VRTN: variants seen among roughly 807,000 people sequenced by gnomAD.
VRTN encodes the protein vertebrae development associated.
A neutral mutation model predicts 18.2 loss-of-function variants in VRTN; 5 were observed. The observed-to-expected ratio is 0.27, with a 90% confidence interval of 0.14 to 0.58. VRTN has a LOEUF of 0.58. Among genes scored for constraint, VRTN ranks in the 20% least tolerant of loss-of-function variants. The pLI, the probability that VRTN is intolerant of heterozygous loss-of-function variation, is 0.91. For synonymous variants in VRTN, 381 were observed against 393.7 expected, an observed-to-expected ratio of 0.97 and a Z score of 0.38; for missense variants, 741 against 939.4, an observed-to-expected ratio of 0.79 and a Z score of 2.76.
chr14:74,336,775 A>G (rs59394521), intron 1 of VRTN, among the ~76,000 whole-genome samples: 27,320 of 151,876 alleles, frequency 0.18, 3,216 homozygotes, highest in East Asian at 0.49. Flanking sequence ...CTCCATCTCA[A>G]AAAAAAAGTT....
At chr14:74,356,655 T>C (rs756163829) in intron 1 of VRTN, 128 bp from the exon 2 acceptor site, 4 of 1,282,196 alleles carry the variant, frequency 3.1e-6, no homozygotes, top group Non-Finnish European at 4.2e-6. Context: ...TCCCGTCTGT[T>C]GTGGGAGGAC....
intron 1 of VRTN, among the ~76,000 whole-genome samples, chr14:74,309,960 G>A (rs943260496): frequency 3.3e-5 from 5 of 151,964 alleles, no homozygotes; most frequent in African/African-American, 1.2e-4. Flanking sequence ...AAGCACAAAG[G>A]ACAAAGGGTC....
At chr14:74,343,533 T>C (rs988492329), upstream of VRTN, among the ~76,000 whole-genome samples, 3 of 152,182 alleles carry the variant, frequency 2.0e-5, no homozygotes, top group African/African-American at 7.2e-5. Context: ...AAATTATGCA[T>C]GTACAGGCTT....
intron 1 of VRTN, among the ~76,000 whole-genome samples, chr14:74,348,860 C>T (rs533998265): frequency 6.7e-6 from 1 of 148,994 alleles, no homozygotes; most frequent in African/African-American, 2.5e-5. Context: ...TCTCCCCACC[C>T]CCACCTCCAC....
rs376656566 is a variant in VRTN, at chr14:74,358,138, C to T, written c.1355C>T (p.Pro452Leu). The T allele has an allele frequency of 1.5e-5, 25 of 1,613,978 alleles. No homozygotes were observed. In the Admixed American group the frequency reaches 2.0e-4, roughly 13 times the overall value. Residue 452 changes from proline (P) to leucine (L), a missense_variant, in exon 2 of 2, where the codon CCG (proline) becomes CTG (leucine). Pro to Leu is a moderately conservative substitution (Grantham distance 98). Around this residue, in one of 3 missense-constraint regions of VRTN, gnomAD observed 494 missense variants for 546.5 expected, o/e 0.90. Coordinates refer to ENST00000256362, the MANE Select transcript of VRTN (RefSeq NM_018228.3). This position sits in a 1 kb window ranked among gnomAD's most constrained non-coding sequence, Gnocchi z 5.4. ...KALRRNPSFK[P>L]APALSAAGTP... ...CTCCGGAGGAACCCCAGCTTCAAGC[C>T]GGCACCAGCCCTCTCTGCTGCTGGG...
At chr14:74,315,446 C>T (rs890944404) in intron 1 of VRTN, among the ~76,000 whole-genome samples, 1 of 152,128 alleles carries the variant, frequency 6.6e-6, no homozygotes, top group African/African-American at 2.4e-5. Context: ...TGCCTATAAT[C>T]CCAGTGCTTT....
At chr14:74,347,719 G>T (rs561096765), upstream of VRTN, among the ~76,000 whole-genome samples, 7 of 152,342 alleles carry the variant, frequency 4.6e-5, no homozygotes, top group African/African-American at 1.7e-4. Flanking sequence ...ATTATTTGAG[G>T]CCCCTGGGCC....
chr14:74,358,484 A>C lies in VRTN; in HGVS notation c.1701A>C (p.Lys567Asn). ...KLQVPVPTLG[K>N]GGQEAEEKQE... Reference sequence around the variant, plus strand: ...AGGTGCCGGTCCCCACCTTGGGCAAAGGGGGGCAGGAGGCTGAGGAGAAGC... The same window carrying C: ...AGGTGCCGGTCCCCACCTTGGGCAACGGGGGGCAGGAGGCTGAGGAGAAGC... The change falls in exon 2 of 2, where the codon AAA becomes AAC. Residue 567 changes from lysine to asparagine, a missense_variant. By Grantham distance (94) the Lys-to-Asn change is moderately conservative. Transcript: ENST00000256362. This position sits in a 1 kb window ranked among gnomAD's most constrained non-coding sequence, Gnocchi z 5.4. 6.2e-7 allele frequency: 1 copy of C among 1,614,056 alleles called. No individual in the cohort carries two copies. The highest frequency in any genetic ancestry group is 8.5e-7 in the Non-Finnish European group (1 of 1,179,988).
upstream of VRTN, among the ~76,000 whole-genome samples, chr14:74,344,379 C>T (rs1422482674): frequency 3.6e-5 from 5 of 137,226 alleles, no homozygotes; most frequent in East Asian, 6.3e-4. Flanking sequence ...CAGTGTACTC[C>T]AGCCTGGGTG....
chr14:74,343,986 G>A (rs188859650), upstream of VRTN, among the ~76,000 whole-genome samples: 2 of 150,516 alleles, frequency 1.3e-5, no homozygotes, highest in African/African-American at 4.9e-5. Flanking sequence ...TTGTAGATGC[G>A]GGGGTTTCAC....
intron 1 of VRTN, among the ~76,000 whole-genome samples, chr14:74,334,773 G>A (rs561226307): frequency 2.0e-5 from 3 of 152,242 alleles, no homozygotes; most frequent in South Asian, 2.1e-4. Flanking sequence ...GTATCTACAC[G>A]GAAGTTCTTC....
At chr14:74,327,940 C>A (rs1442674957) in intron 1 of VRTN, among the ~76,000 whole-genome samples, 1 of 152,058 alleles carries the variant, frequency 6.6e-6, no homozygotes, top group Non-Finnish European at 1.5e-5. Context: ...GGGCTGGTCG[C>A]GAACCCCTGA....
At chr14:74,306,390 T>C (rs2085352608) in intron 1 of VRTN, 1 of 151,530 alleles carries the variant, frequency 6.6e-6, no homozygotes, top group Admixed American at 6.6e-5. Flanking sequence ...TCTCACTGTG[T>C]TGTCCAGGCT....
chr14:74,348,960 C>G (rs993346405), intron 1 of VRTN, among the ~76,000 whole-genome samples: 2 of 151,680 alleles, frequency 1.3e-5, no homozygotes, highest in Admixed American at 1.3e-4. Context: ...CCAGGTTCCC[C>G]GGGCTTCTCA....
chr14:74,343,393 T>G (rs1002362410), intron 2 of VRTN, among the ~76,000 whole-genome samples: 1 of 152,238 alleles, frequency 6.6e-6, no homozygotes, highest in Non-Finnish European at 1.5e-5. Flanking sequence ...CCCAAAGGGC[T>G]GGGATTACAG....
chr14:74,331,096 G>A (rs1393737052), intron 1 of VRTN, among the ~76,000 whole-genome samples: 22 of 151,964 alleles, frequency 1.4e-4, no homozygotes, highest in African/African-American at 3.1e-4. Context: ...CAGCTACTCG[G>A]GAGGCTGAGG....
chr14:74,323,132 C>A (rs1217507323), intron 1 of VRTN, among the ~76,000 whole-genome samples: 4 of 148,948 alleles, frequency 2.7e-5, no homozygotes, highest in Non-Finnish European at 4.5e-5. Context: ...GACTCCATCT[C>A]AAAAAAAAAG....
At chr14:74,347,817 A>C (rs1393690724), upstream of VRTN, among the ~76,000 whole-genome samples, 1 of 152,194 alleles carries the variant, frequency 6.6e-6, no homozygotes, top group Non-Finnish European at 1.5e-5. Context: ...GTGCCCTGGG[A>C]TAGGCCCCCT....
chr14:74,324,280 C>A (rs1320515133), intron 1 of VRTN, among the ~76,000 whole-genome samples: 1 of 148,316 alleles, frequency 6.7e-6, no homozygotes, highest in African/African-American at 2.5e-5. Context: ...CCCAGCTACT[C>A]GGGAGGCTGA....
Sources: gnomAD v4.1 joint callset for allele counts (sites outside exome capture counted in the v4.1 genomes callset) on GRCh38, gnomAD v4.1.1 for gene constraint, gnomAD v4.1.1 regional missense constraint, Gnocchi (gnomAD v3.1) non-coding constraint, MANE v1.5 for transcripts, NCBI Gene and HGNC (gene_info 2026-07-23, HGNC 2026-07-21) for gene names.